OR3A3: variants seen among roughly 807,000 people sequenced by gnomAD.
OR3A3 encodes the protein olfactory receptor 3A3.
For missense variants in OR3A3, 275 were observed against 391.4 expected, an observed-to-expected ratio of 0.70 and a Z score of 2.51; for synonymous variants, 103 against 163.9, an observed-to-expected ratio of 0.63 and a Z score of 2.84.
chr17:3,421,017 G>A, exon 3 of OR3A3: 2 of 1,614,070 alleles, frequency 1.2e-6, no homozygotes, highest in Non-Finnish European at 8.5e-7. Context: ...AGACAGTCCA[G>A]AGGATGTTGG....
chr17:3,413,311 C>A (rs2072372031), intron 2 of OR3A3, among the ~76,000 whole-genome samples: 1 of 152,076 alleles, frequency 6.6e-6, no homozygotes, highest in Admixed American at 6.6e-5. Flanking sequence ...AGTTCAGCAG[C>A]CAGCAACTGG....
exon 3 of OR3A3, chr17:3,422,296 G>A (rs532093619): frequency 6.6e-5 from 10 of 152,294 alleles, no homozygotes; most frequent in African/African-American, 2.4e-4. Flanking sequence ...TAATACATAA[G>A]TGATATACCT....
exon 1 of OR3A3, chr17:3,411,374 G>C (rs1381298900): frequency 1.3e-5 from 2 of 152,582 alleles, no homozygotes; most frequent in Non-Finnish European, 2.9e-5. Context: ...CCAGGTCCAA[G>C]ACAAGTTCAG....
intron 2 of OR3A3, among the ~76,000 whole-genome samples, chr17:3,412,607 T>G: frequency 7.5e-6 from 1 of 133,570 alleles, no homozygotes; most frequent in Admixed American, 8.3e-5. Flanking sequence ...TCAGACCCTC[T>G]GGGTGTCTCA....
chr17:3,413,856 A>C (rs1277788193), intron 2 of OR3A3, among the ~76,000 whole-genome samples: 1 of 151,692 alleles, frequency 6.6e-6, no homozygotes, highest in East Asian at 1.9e-4. Context: ...AAAAAAAAAA[A>C]ACTTTAAGGA....
chr17:3,413,774 A>G lies in OR3A3; in HGVS notation c.-7+1603A>G, dbSNP rs545977892. 1.5e-3 allele frequency among the ~76,000 whole-genome samples: 221 copies of G among 151,692 alleles called. 1 individual carries two copies. The highest frequency in any genetic ancestry group is 2.1e-3 in the Non-Finnish European group (141 of 67,902). On this transcript the variant is annotated intron_variant, in intron 2 of 2. Coordinates refer to ENST00000641141, the Ensembl canonical transcript of OR3A3. Reference sequence around the variant, plus strand: ...GTTGCAGTGAGCCAAGATCATCAAAATCATGCCACTGCACTCCAGCCTGGT... The same window carrying G: ...GTTGCAGTGAGCCAAGATCATCAAAGTCATGCCACTGCACTCCAGCCTGGT...
At chr17:3,420,451 G>C in intron 2 of OR3A3, 129 bp from the exon 3 acceptor site, 1 of 1,467,174 alleles carries the variant, frequency 6.8e-7, no homozygotes, top group Admixed American at 2.3e-5. Context: ...GCAAGGTAAA[G>C]GCATTGAGGT....
chr17:3,418,650 G>C (rs1021905642), intron 2 of OR3A3, among the ~76,000 whole-genome samples: 3 of 152,138 alleles, frequency 2.0e-5, no homozygotes, highest in Admixed American at 1.3e-4. Context: ...ACAGCACTCT[G>C]ATTTCTGAGA....
intron 2 of OR3A3, among the ~76,000 whole-genome samples, chr17:3,417,217 T>A (rs1162562015): frequency 6.6e-6 from 1 of 152,196 alleles, no homozygotes; most frequent in Non-Finnish European, 1.5e-5. Flanking sequence ...TTTTTTACTA[T>A]GGAATTCCTT....
chr17:3,421,691 T>C (rs1262374027), exon 3 of OR3A3: 5 of 683,798 alleles, frequency 7.3e-6, no homozygotes, highest in African/African-American at 7.2e-5. Context: ...AATTCATTCA[T>C]TTATTCATTC....
chr17:3,419,841 C>T (rs1237825611), intron 2 of OR3A3, among the ~76,000 whole-genome samples: 2 of 149,160 alleles, frequency 1.3e-5, no homozygotes, highest in Non-Finnish European at 3.0e-5. Context: ...TCACACCATT[C>T]TCCCGCCTCA....
intron 2 of OR3A3, among the ~76,000 whole-genome samples, chr17:3,414,050 C>A (rs1567582875): frequency 6.6e-6 from 1 of 152,004 alleles, no homozygotes. Flanking sequence ...CATGAAACTG[C>A]GGGTCAGTCT....
At chr17:3,418,289 G>A (rs1010792137) in intron 2 of OR3A3, among the ~76,000 whole-genome samples, 7 of 152,056 alleles carry the variant, frequency 4.6e-5, no homozygotes, top group African/African-American at 7.2e-5. Context: ...TAAATGAATC[G>A]AAAGGTTTCT....
exon 3 of OR3A3, chr17:3,421,545 C>T: frequency 6.6e-7 from 1 of 1,517,024 alleles, no homozygotes; most frequent in Non-Finnish European, 8.8e-7. Context: ...AGATGACCTC[C>T]TTTCCTGCCT....
At chr17:3,414,388 C>T (rs577595970) in intron 2 of OR3A3, among the ~76,000 whole-genome samples, 1 of 152,028 alleles carries the variant, frequency 6.6e-6, no homozygotes, top group Non-Finnish European at 1.5e-5. Context: ...TTTTGAAGCT[C>T]CACATATTTC....
chr17:3,415,484 C>G (rs917390145), intron 2 of OR3A3, among the ~76,000 whole-genome samples: 3 of 149,130 alleles, frequency 2.0e-5, no homozygotes, highest in African/African-American at 7.4e-5. Context: ...TTGCTTGAAC[C>G]TGGGAGGTGG....
chr17:3,418,795 T>C (rs2072407771), intron 2 of OR3A3, among the ~76,000 whole-genome samples: 1 of 152,234 alleles, frequency 6.6e-6, no homozygotes, highest in Non-Finnish European at 1.5e-5. Context: ...GGGTATGATA[T>C]TGCTCTTAAG....
chr17:3,413,351 A>T (rs1256928589), intron 2 of OR3A3, among the ~76,000 whole-genome samples: 1 of 152,178 alleles, frequency 6.6e-6, no homozygotes, highest in African/African-American at 2.4e-5. Flanking sequence ...TGGGAAGTGG[A>T]CTTGGAGGAA....
At chr17:3,422,974 G>A (rs1032845480) in exon 3 of OR3A3, 1 of 152,206 alleles carries the variant, frequency 6.6e-6, no homozygotes, top group African/African-American at 2.4e-5. Context: ...AATGGGAAGA[G>A]AGAAGTATGT....
Sources: allele counts gnomAD v4.1 joint callset (sites outside exome capture counted in the v4.1 genomes callset), GRCh38; gene constraint gnomAD v4.1.1; transcripts MANE v1.5; gene names NCBI Gene and HGNC (gene_info 2026-07-23, HGNC 2026-07-21).